EIF3B: variants seen among roughly 807,000 people sequenced by gnomAD.
EIF3B encodes eukaryotic translation initiation factor 3 subunit 9.
Under a neutral mutation model 104.6 loss-of-function variants are expected in EIF3B, and 10 were observed. The observed-to-expected ratio is 0.10, with a 90% CI of 0.06 to 0.16. The LOEUF is 0.16. Ranked by LOEUF, EIF3B falls within the 10% of genes least tolerant of loss-of-function variation. The probability of loss-of-function intolerance (pLI) is 1.00; values close to 1 mark genes in which losing one functional copy is unlikely to be tolerated. For missense variants in EIF3B, 1,014 were observed against 1,087.9 expected (o/e 0.93, Z 0.96); for synonymous variants, 542 against 417.2 (o/e 1.30, Z -3.65).
At chr7:2,357,416 C>T (rs1779506142) in intron 1 of EIF3B, among the ~76,000 whole-genome samples, 1 of 152,150 alleles carries the variant, frequency 6.6e-6, no homozygotes, top group South Asian at 2.1e-4. Context: ...AAGAGCTGCC[C>T]TTCAGGGTCA....
At chr7:2,360,995 C>G (rs1779696132) in intron 2 of EIF3B, 93 bp downstream of exon 2, 1 of 1,089,772 alleles carries the variant, frequency 9.2e-7, no homozygotes, top group Non-Finnish European at 1.3e-6. Context: ...CAGCTCCTGC[C>G]TTGCCCAGGC....
intron 9 of EIF3B, among the ~76,000 whole-genome samples, chr7:2,367,281 C>A (rs1780074679): frequency 6.6e-6 from 1 of 151,980 alleles, no homozygotes; most frequent in South Asian, 2.1e-4. Flanking sequence ...AGGAAGGCCT[C>A]CGTGGCCTGT....
In EIF3B at chr7:2,364,542, A is replaced by G. The variant is rs1303263287; in HGVS notation, c.1157+13A>G. On this transcript the variant is annotated intron_variant, in intron 6 of 18. Coordinates refer to ENST00000360876, the MANE Select transcript of EIF3B (RefSeq NM_001037283.2). ...CACCTTGTGAAAGGTAAGCTGCTAG[A>G]AAAACACAGGGGAGTCTATGCATTT... is the stretch of plus-strand genomic sequence containing the variant. 1.9e-6 allele frequency: 3 copies of G among 1,609,478 alleles called. No individual in the cohort carries two copies. The highest frequency in any genetic ancestry group is 2.7e-5 in the African/African-American group (2 of 74,740).
At chr7:2,361,120 T>C (rs1379469614) in intron 2 of EIF3B, among the ~76,000 whole-genome samples, 1 of 152,196 alleles carries the variant, frequency 6.6e-6, no homozygotes, top group Non-Finnish European at 1.5e-5. Flanking sequence ...TTTAAAATTA[T>C]CTAGAATAGG....
At chr7:2,372,590 T>A in intron 11 of EIF3B, 83 bp from the exon 12 acceptor site, 2 of 1,510,132 alleles carry the variant, frequency 1.3e-6, no homozygotes, top group Non-Finnish European at 1.8e-6. Flanking sequence ...TTCTCTGTGG[T>A]TGAATAGTGA....
intron 16 of EIF3B, 127 bp downstream of exon 16, chr7:2,378,893 C>T (rs975895383): frequency 1.1e-6 from 1 of 898,412 alleles, no homozygotes; most frequent in East Asian, 2.6e-5. Flanking sequence ...GTTCTGTTCC[C>T]CCCCAGGAGG....
At chr7:2,376,687 T>G in intron 14 of EIF3B, 4 of 413,548 alleles carry the variant, frequency 9.7e-6, no homozygotes, top group Non-Finnish European at 1.7e-5. Context: ...CAGCATGGGG[T>G]TCTTATTGCC....
At chr7:2,377,240 T>C (rs1032471921) in intron 15 of EIF3B, among the ~76,000 whole-genome samples, 165 bp downstream of exon 15, 1 of 152,232 alleles carries the variant, frequency 6.6e-6, no homozygotes, top group Non-Finnish European at 1.5e-5. Context: ...CTGAATGGAA[T>C]AGAACAGCTT....
chr7:2,372,030 T>C, intron 11 of EIF3B, 181 bp downstream of exon 11: 3 of 583,322 alleles, frequency 5.1e-6, no homozygotes, highest in Non-Finnish European at 6.2e-6. Context: ...AGTGAGACCC[T>C]CTCTGTACAA....
At chr7:2,378,794 G>A in intron 16 of EIF3B, 28 bp downstream of exon 16, 1 of 1,592,836 alleles carries the variant, frequency 6.3e-7, no homozygotes, top group Non-Finnish European at 8.6e-7. Flanking sequence ...AATGAGGGCT[G>A]TGCTGTGACA....
At chr7:2,369,351 C>A in intron 9 of EIF3B, 121 bp from the exon 10 acceptor site, 7 of 1,075,610 alleles carry the variant, frequency 6.5e-6, no homozygotes, top group Non-Finnish European at 9.8e-6. Flanking sequence ...AGGGAGCGCT[C>A]AGCGTCAGCT....
chr7:2,360,702 T>G lies in EIF3B; in HGVS notation c.500-8T>G. 6.4e-7 allele frequency: 1 copy of G among 1,571,550 alleles called. No individual in the cohort carries two copies. On this transcript the variant is annotated splice_region_variant and splice_polypyrimidine_tract_variant and intron_variant, in intron 1 of 18. Coordinates refer to ENST00000360876, the MANE Select transcript of EIF3B (RefSeq NM_001037283.2). ...AAAATGATCATTTGAAAAATCTCTC[T>G]TGTTCAGAATTACTGGGAGATGTAC...
In EIF3B at chr7:2,358,194, C is replaced by G. The variant is rs376494274; in HGVS notation, c.500-2516C>G. ...TGCCTCCCCGCTTCAAGCGATTTTC[C>G]TGCCTCAGCCTCCCAAGTAGCTGGG... On this transcript the variant is annotated intron_variant, in intron 1 of 18. Coordinates refer to ENST00000360876, the MANE Select transcript of EIF3B (RefSeq NM_001037283.2). 6.6e-5 allele frequency among the ~76,000 whole-genome samples: 10 copies of G among 152,228 alleles called. No homozygotes were observed. In the East Asian group the frequency reaches 1.7e-3, roughly 26 times the overall value.
chr7:2,378,566 G>T (rs115881184), intron 15 of EIF3B, 123 bp from the exon 16 acceptor site: 11 of 773,244 alleles, frequency 1.4e-5, no homozygotes, highest in Admixed American at 2.2e-5. Flanking sequence ...GCATGCGAGC[G>T]CTCCTGGGAA....
In EIF3B at chr7:2,360,914, C is replaced by T. The variant is rs146709404; in HGVS notation, c.692+12C>T. 4.4e-6 allele frequency: 7 copies of T among 1,595,546 alleles called. No homozygotes were observed. The highest frequency in any genetic ancestry group is 6.0e-6 in the Non-Finnish European group (7 of 1,164,606). On this transcript the variant is annotated intron_variant, in intron 2 of 18. Transcript: ENST00000360876. ...GGGAAGACAAAAGGGTGAGTGTTCT[C>T]CTGTTGGAGAAGTATCATCTGTGTC... is the stretch of plus-strand genomic sequence containing the variant.
chr7:2,372,827 T>G, intron 12 of EIF3B, 32 bp downstream of exon 12: 1 of 1,608,928 alleles, frequency 6.2e-7, no homozygotes, highest in Non-Finnish European at 8.5e-7. Flanking sequence ...CTCTTCTGAG[T>G]AGGTCAGCAC....
intron 2 of EIF3B, among the ~76,000 whole-genome samples, chr7:2,361,947 G>A (rs1016372287): frequency 7.8e-6 from 1 of 129,026 alleles, no homozygotes; most frequent in African/African-American, 2.8e-5. Flanking sequence ...TGGCTTGCTT[G>A]CTTGCTTATT....
At chr7:2,369,765 A>ATTTTTTTTT (rs552367791) in intron 10 of EIF3B, 83 bp downstream of exon 10, 2 of 304,052 alleles carry the variant, frequency 6.6e-6, no homozygotes, top group African/African-American at 1.0e-4. Context: ...GTGTTAATGG[A>ATTTTTTTTT]TTTTTTTTTT....
rs1779807341 is a variant in EIF3B, at chr7:2,362,759, T to C, written c.807T>C (p.Phe269=). Residue 269 remains phenylalanine (F), a synonymous_variant, in exon 3 of 19, where the codon TTT becomes TTC. Transcript: ENST00000360876. ...TCCGGGTCAACCTCTTTACGGATTT[T>C]GACAAGTGAGTTCAGACTTGGCCAC... ...HTFRVNLFTD[F]DKYMTISDEW... The C allele has an allele frequency of 1.2e-6, 2 of 1,613,976 alleles. No homozygotes were observed. Among genetic ancestry groups the C allele is most frequent in the Non-Finnish European group, 1.7e-6 (2 of 1,180,032 alleles).
Sources: allele counts gnomAD v4.1 joint callset (sites outside exome capture counted in the v4.1 genomes callset), GRCh38; gene constraint gnomAD v4.1.1; transcripts MANE v1.5; gene names NCBI Gene and HGNC (gene_info 2026-07-23, HGNC 2026-07-21).